The following SCFD2 variants were observed in gnomAD, a reference collection of about 807,000 sequenced individuals.
SCFD2 encodes sec1 family domain-containing protein 2.
Under a neutral mutation model 58.9 loss-of-function variants are expected in SCFD2, and 54 were observed. The ratio of observed to expected loss-of-function variants is 0.92; its 90% confidence interval spans 0.74 to 1.15. The LOEUF is 1.15. SCFD2 is among the 50% of genes most tolerant of loss of function. SCFD2 has a pLI of 0.00. For missense variants in SCFD2, 805 were observed against 836.6 expected (o/e 0.96, Z 0.47); for synonymous variants, 321 against 335.9 (o/e 0.96, Z 0.49).
chr4:52,916,244 T>A (rs1719598355), intron 6 of SCFD2, among the ~76,000 whole-genome samples: 1 of 152,188 alleles, frequency 6.6e-6, no homozygotes, highest in South Asian at 2.1e-4. Flanking sequence ...CTCACTAAAC[T>A]GAGCATTTGC....
At chr4:52,875,746 A>C (rs2109436815) in intron 8 of SCFD2, among the ~76,000 whole-genome samples, 2 of 144,498 alleles carry the variant, frequency 1.4e-5, no homozygotes, top group Non-Finnish European at 3.0e-5. Flanking sequence ...TTTCTGTTTA[A>C]AAAACTTAGT....
chr4:53,295,455 T>C lies in SCFD2; in HGVS notation c.1135+18181A>G, dbSNP rs529130280. Among the ~76,000 whole-genome samples the C allele has an allele frequency of 5.3e-5, 8 of 152,290 alleles. 1 individual carries two copies. The South Asian group carries it at 1.0e-3, about 20-fold the overall frequency. Reference sequence around the variant, plus strand: ...GCTCTGTTTGTCTGTTATTGGTGTATAGGAATGCTTGTGATTTTTGCAGAT... The same window carrying C: ...GCTCTGTTTGTCTGTTATTGGTGTACAGGAATGCTTGTGATTTTTGCAGAT... On this transcript the variant is annotated intron_variant, in intron 3 of 8. Transcript: ENST00000401642.
At chr4:52,994,824 A>G (rs916176159) in intron 5 of SCFD2, among the ~76,000 whole-genome samples, 1 of 152,230 alleles carries the variant, frequency 6.6e-6, no homozygotes, top group Non-Finnish European at 1.5e-5. Flanking sequence ...ATAATATCAT[A>G]CACTATATTT....
Position 53,249,456 on chromosome 4 carries a change from C to T in SCFD2, c.1311+24370G>A, listed in dbSNP as rs1305348484. ...GTTCAGATTCAGAAAATACATAGAACACCACAAAGATAATCCTTGAGAAGA... is the reference window on the plus strand; with the variant it reads ...GTTCAGATTCAGAAAATACATAGAATACCACAAAGATAATCCTTGAGAAGA... On this transcript the variant is annotated intron_variant, in intron 4 of 8. Coordinates refer to ENST00000401642, the MANE Select transcript of SCFD2 (RefSeq NM_152540.4). 3.9e-5 allele frequency among the ~76,000 whole-genome samples: 6 copies of T among 152,060 alleles called. 1 individual carries two copies. Among genetic ancestry groups the T allele is most frequent in the Admixed American group, 3.9e-4 (6 of 15,276 alleles).
intron 5 of SCFD2, among the ~76,000 whole-genome samples, chr4:53,026,749 C>T (rs781473047): frequency 8.5e-5 from 13 of 152,104 alleles, no homozygotes; most frequent in Non-Finnish European, 1.6e-4. Context: ...ACTGCCATTA[C>T]TTGAAGGTCA....
intron 8 of SCFD2, among the ~76,000 whole-genome samples, chr4:52,878,737 C>T (rs76541234): frequency 2.2e-4 from 33 of 152,294 alleles, no homozygotes; most frequent in Non-Finnish European, 3.8e-4. Context: ...AAATTAAGCA[C>T]TAGAGAATTC....
At chr4:53,211,868 G>T (rs1270218649) in intron 4 of SCFD2, among the ~76,000 whole-genome samples, 1 of 151,934 alleles carries the variant, frequency 6.6e-6, no homozygotes, top group Non-Finnish European at 1.5e-5. Context: ...AAGCTCTTTG[G>T]AGCCCACAAT....
At chr4:53,338,911 G>GA (rs1315597917) in intron 2 of SCFD2, among the ~76,000 whole-genome samples, 1 of 151,944 alleles carries the variant, frequency 6.6e-6, no homozygotes, top group East Asian at 1.9e-4. Flanking sequence ...TGCTGAAAGA[G>GA]AAAAAACTGC....
chr4:53,031,913 C>A (rs1384183373), intron 5 of SCFD2, among the ~76,000 whole-genome samples: 1 of 152,130 alleles, frequency 6.6e-6, no homozygotes, highest in South Asian at 2.1e-4. Flanking sequence ...GACAGGCCAA[C>A]ATTCAAATTC....
chr4:53,238,984 C>T (rs1170837937), intron 4 of SCFD2, among the ~76,000 whole-genome samples: 2 of 152,202 alleles, frequency 1.3e-5, no homozygotes, highest in African/African-American at 2.4e-5. Flanking sequence ...GCTGCAATCT[C>T]GGCACTTTGG....
chr4:53,051,337 T>A (rs1723186228), intron 5 of SCFD2, among the ~76,000 whole-genome samples: 1 of 152,152 alleles, frequency 6.6e-6, no homozygotes, highest in South Asian at 2.1e-4. Context: ...CATGCAACTG[T>A]ATGCAGAAGT....
chr4:53,239,251 G>A (rs1244261419), intron 4 of SCFD2, among the ~76,000 whole-genome samples: 1 of 152,040 alleles, frequency 6.6e-6, no homozygotes, highest in African/African-American at 2.4e-5. Context: ...TCGGCAGGCT[G>A]AGTCAGGAGA....
At chr4:52,894,524 A>T (rs184282268) in intron 7 of SCFD2, among the ~76,000 whole-genome samples, 1 of 152,342 alleles carries the variant, frequency 6.6e-6, no homozygotes, top group East Asian at 1.9e-4. Context: ...GGGGTAAGGT[A>T]TGTCTTGATT....
chr4:53,158,702 C>A (rs1726767740), intron 4 of SCFD2, among the ~76,000 whole-genome samples: 1 of 152,168 alleles, frequency 6.6e-6, no homozygotes, highest in South Asian at 2.1e-4. Context: ...TAAATAAAAT[C>A]CTCCAGACAA....
At chr4:53,297,497 C>T (rs528897355) in intron 3 of SCFD2, among the ~76,000 whole-genome samples, 1 of 151,756 alleles carries the variant, frequency 6.6e-6, no homozygotes, top group Non-Finnish European at 1.5e-5. Context: ...TTTTGCTTTC[C>T]ATTTGCTTGG....
chr4:52,898,040 C>T (rs1391949308), intron 7 of SCFD2, among the ~76,000 whole-genome samples: 1 of 152,136 alleles, frequency 6.6e-6, no homozygotes, highest in Non-Finnish European at 1.5e-5. Context: ...TTTGATTCTT[C>T]TCTCTTTTCT....
At chr4:52,972,398 C>A (rs1721129490) in intron 5 of SCFD2, among the ~76,000 whole-genome samples, 1 of 152,006 alleles carries the variant, frequency 6.6e-6, no homozygotes, top group Non-Finnish European at 1.5e-5. Flanking sequence ...TTTAAAGCAA[C>A]AAAGATCAAA....
intron 4 of SCFD2, among the ~76,000 whole-genome samples, chr4:53,200,487 G>T (rs1226674181): frequency 6.6e-6 from 1 of 151,954 alleles, no homozygotes; most frequent in African/African-American, 2.4e-5. Context: ...GATACAATCA[G>T]ATTTGAAAGG....
At chr4:53,089,290 T>A (rs1483009526) in intron 5 of SCFD2, among the ~76,000 whole-genome samples, 1 of 152,226 alleles carries the variant, frequency 6.6e-6, no homozygotes, top group African/African-American at 2.4e-5. Context: ...TACTAGACTG[T>A]TACCTGATAT....
Sources: gnomAD v4.1 joint callset for allele counts (sites outside exome capture counted in the v4.1 genomes callset) on GRCh38, gnomAD v4.1.1 for gene constraint, MANE v1.5 for transcripts, NCBI Gene and HGNC (gene_info 2026-07-23, HGNC 2026-07-21) for gene names.